The following LRRC49 variants were observed in gnomAD, a reference collection of about 807,000 sequenced individuals.
The protein encoded by LRRC49 is leucine-rich repeat-containing protein 49.
A neutral mutation model predicts 83.3 loss-of-function variants in LRRC49; 50 were observed. That is an observed-to-expected ratio of 0.60 (90% confidence interval 0.48 to 0.76). The LOEUF (loss-of-function observed/expected upper bound fraction) is 0.76, where lower values mean the gene tolerates loss of function less well. Among genes scored for constraint, LRRC49 ranks in the 30% least tolerant of loss-of-function variants. The probability of loss-of-function intolerance (pLI) is 0.00; values close to 1 mark genes in which losing one functional copy is unlikely to be tolerated. For synonymous variants in LRRC49, 286 were observed against 283.3 expected, an observed-to-expected ratio of 1.01 and a Z score of -0.10; for missense variants, 704 against 809.1, an observed-to-expected ratio of 0.87 and a Z score of 1.58.
chr15:70,861,156 T>C (rs2032779619), intron 1 of LRRC49, among the ~76,000 whole-genome samples: 1 of 152,256 alleles, frequency 6.6e-6, no homozygotes, highest in Non-Finnish European at 1.5e-5. Flanking sequence ...TCCTACTTAA[T>C]GTCTAAAGTA....
chr15:70,940,399 G>A (rs1338318555), intron 8 of LRRC49, among the ~76,000 whole-genome samples: 1 of 152,136 alleles, frequency 6.6e-6, no homozygotes, highest in Admixed American at 6.5e-5. Context: ...TGGGACTACA[G>A]GCGCCCGCCA....
intron 2 of LRRC49, among the ~76,000 whole-genome samples, chr15:70,884,348 C>A (rs1420699714): frequency 6.6e-6 from 1 of 152,026 alleles, no homozygotes; most frequent in Non-Finnish European, 1.5e-5. Context: ...GCCTAGCCAA[C>A]ATCGTGAAAC....
At chr15:71,006,158 C>A (rs2038450361) in intron 11 of LRRC49, among the ~76,000 whole-genome samples, 1 of 152,146 alleles carries the variant, frequency 6.6e-6, no homozygotes, top group Non-Finnish European at 1.5e-5. Flanking sequence ...TGTTTTGTAA[C>A]CATGTCACTG....
rs148480370 is a variant in LRRC49 at position 70,987,886 on chromosome 15, G to A, written c.1169+3629G>A. Among the ~76,000 whole-genome samples the A allele has an allele frequency of 5.1e-3, 777 of 152,156 alleles. 6 individuals carry two copies. Among genetic ancestry groups the A allele is most frequent in the South Asian group, 0.015 (74 of 4,810 alleles). The stretch of plus-strand genomic sequence containing the variant: ...ACATCTTTATTTCTGCCTTCATTTT[G>A]TTATGTACCTAGTAGTCAATCAGGA... On this transcript the variant is annotated intron_variant, in intron 11 of 15. Coordinates refer to ENST00000260382, the MANE Select transcript of LRRC49 (RefSeq NM_017691.5).
chr15:70,982,768 C>A (rs907734362), intron 10 of LRRC49, among the ~76,000 whole-genome samples: 4 of 152,134 alleles, frequency 2.6e-5, no homozygotes, highest in Non-Finnish European at 5.9e-5. Context: ...AAGTGTGCAC[C>A]ACTGCACTCC....
chr15:71,012,470 T>C (rs2038684508), intron 13 of LRRC49, among the ~76,000 whole-genome samples: 1 of 151,976 alleles, frequency 6.6e-6, no homozygotes, highest in Admixed American at 6.6e-5. Context: ...CTCTAAATCA[T>C]TCTAATCCAA....
At chr15:70,986,993 T>A (rs1446626528) in intron 11 of LRRC49, among the ~76,000 whole-genome samples, 1 of 152,190 alleles carries the variant, frequency 6.6e-6, no homozygotes, top group East Asian at 1.9e-4. Context: ...GCCCACTTGA[T>A]CATGGTGGAT....
intron 7 of LRRC49, among the ~76,000 whole-genome samples, chr15:70,928,145 C>T (rs2035276825): frequency 1.3e-5 from 2 of 152,066 alleles, no homozygotes; most frequent in African/African-American, 2.4e-5. Flanking sequence ...TATTCTGTTC[C>T]ATCTATTCGT....
intron 8 of LRRC49, among the ~76,000 whole-genome samples, chr15:70,958,858 T>C (rs1360665037): frequency 6.6e-6 from 1 of 152,140 alleles, no homozygotes; most frequent in Non-Finnish European, 1.5e-5. Flanking sequence ...TTACCTTGAG[T>C]GTGAGGAAAA....
intron 14 of LRRC49, among the ~76,000 whole-genome samples, chr15:71,015,973 G>T (rs1414368787): frequency 6.6e-6 from 1 of 152,086 alleles, no homozygotes; most frequent in African/African-American, 2.4e-5. Flanking sequence ...AACGGTTAAG[G>T]TGTTTCAGAA....
chr15:70,926,773 G>GT (rs1567055673), intron 7 of LRRC49, among the ~76,000 whole-genome samples: 1 of 151,806 alleles, frequency 6.6e-6, no homozygotes, highest in Admixed American at 6.6e-5. Context: ...GCGGTGTTTG[G>GT]TTTTTTGTCC....
At chr15:70,854,074 G>T (rs1412331138) in intron 1 of LRRC49, 1 of 1,351,642 alleles carries the variant, frequency 7.4e-7, no homozygotes, top group South Asian at 1.9e-5. Context: ...GAGCCTCCCC[G>T]CCGGACTGGG....
At chr15:70,926,691 C>G (rs1368581906) in intron 7 of LRRC49, among the ~76,000 whole-genome samples, 7 of 151,936 alleles carry the variant, frequency 4.6e-5, no homozygotes, top group East Asian at 1.9e-4. Context: ...ACAACAGGCC[C>G]CAGTGTGTGA....
At position 71,042,932 on chromosome 15, in the gene LRRC49, C is replaced by T. The variant is rs577609736; in HGVS notation, c.1857+5600C>T. Among the ~76,000 whole-genome samples, 110 of 152,174 alleles carry T rather than the reference C, an allele frequency of 7.2e-4. 1 individual carries two copies. Among genetic ancestry groups the T allele is most frequent in the Non-Finnish European group, 1.4e-3 (94 of 68,034 alleles). On this transcript the variant is annotated intron_variant, in intron 15 of 15. Coordinates refer to ENST00000260382, the MANE Select transcript of LRRC49 (RefSeq NM_017691.5). ...GGAGTCCTAATTCTGACCTTGGACA[C>T]GTTCACAGTATATCATGGTGCTCTC...
chr15:71,014,751 A>G (rs2038770603), intron 14 of LRRC49, among the ~76,000 whole-genome samples: 1 of 152,174 alleles, frequency 6.6e-6, no homozygotes, highest in Non-Finnish European at 1.5e-5. Context: ...ATCAACAAAT[A>G]CAGGCATATA....
chr15:70,928,701 G>A (rs2035301108), intron 7 of LRRC49, among the ~76,000 whole-genome samples: 1 of 152,114 alleles, frequency 6.6e-6, no homozygotes, highest in Non-Finnish European at 1.5e-5. Context: ...GAGTAGCTGG[G>A]ATTACAGATG....
intron 8 of LRRC49, among the ~76,000 whole-genome samples, chr15:70,955,968 T>C (rs1259215217): frequency 6.6e-6 from 1 of 152,220 alleles, no homozygotes; most frequent in Non-Finnish European, 1.5e-5. Flanking sequence ...ACTTCAGCCC[T>C]CTAGGCAAAT....
chr15:70,873,316 C>G, intron 2 of LRRC49: 1 of 1,294,392 alleles, frequency 7.7e-7, no homozygotes, highest in Non-Finnish European at 1.1e-6. Context: ...GGTCAAAATA[C>G]TAACTAAAGC....
chr15:70,882,752 A>C, intron 2 of LRRC49: 1 of 1,614,070 alleles, frequency 6.2e-7, no homozygotes, highest in Non-Finnish European at 8.5e-7. Flanking sequence ...TTGAAGAGTC[A>C]AAACATACCC....
Sources: gnomAD v4.1 joint callset for allele counts (sites outside exome capture counted in the v4.1 genomes callset) on GRCh38, gnomAD v4.1.1 for gene constraint, MANE v1.5 for transcripts, NCBI Gene and HGNC (gene_info 2026-07-23, HGNC 2026-07-21) for gene names.